VPS13A: variants seen among roughly 807,000 people sequenced by gnomAD.
VPS13A encodes the protein vacuolar protein sorting 13 homolog A, also known as intermembrane lipid transfer protein VPS13A.
Under a neutral mutation model 390.9 loss-of-function variants are expected in VPS13A, and 264 were observed. The ratio of observed to expected loss-of-function variants is 0.68; its 90% confidence interval spans 0.61 to 0.75. The LOEUF (loss-of-function observed/expected upper bound fraction) is 0.75, where lower values mean the gene tolerates loss of function less well. VPS13A is among the 30% of genes least tolerant of loss of function. The pLI is 0.00. For synonymous variants in VPS13A, 1,231 were observed against 1,227.1 expected (o/e 1.00, Z -0.07); for missense variants, 3,409 against 3,733.9 (o/e 0.91, Z 2.27).
chr9:77,411,034 G>A (rs1280872368), intron 71 of VPS13A, among the ~76,000 whole-genome samples: 1 of 152,116 alleles, frequency 6.6e-6, no homozygotes, highest in African/African-American at 2.4e-5. Context: ...CCACTTAGTT[G>A]GAAGTAAAGC....
At chr9:77,206,162 C>A in intron 5 of VPS13A, 83 bp downstream of exon 5, 1 of 969,054 alleles carries the variant, frequency 1.0e-6, no homozygotes, top group South Asian at 1.5e-5. Flanking sequence ...TTATTTTTCT[C>A]TGGAGATGCT....
At position 77,401,329 on chromosome 9, in the gene VPS13A, TTGTGTGTGTGTGTG is replaced by T. The variant is rs4012461; in HGVS notation, c.9190-1875_9190-1862del. 9.3e-4 allele frequency among the ~76,000 whole-genome samples: 130 copies of T among 140,520 alleles called. 2 individuals are homozygous for T. Among genetic ancestry groups the T allele is most frequent in the South Asian group, 2.2e-3 (9 of 4,074 alleles). 92.2% of individuals were successfully genotyped at this position (140,520 alleles called of 152,430 possible). On this transcript the variant is annotated intron_variant, in intron 68 of 71. Coordinates refer to ENST00000360280, the MANE Select transcript of VPS13A (RefSeq NM_033305.3). Reference sequence around the variant, plus strand: ...ACCACCATCTTGGGATCACATGAAGTTGTGTGTGTGTGTGTGTGTGTGTGTGTGTGTGTGTGTGT... The same window carrying T: ...ACCACCATCTTGGGATCACATGAAGTTGTGTGTGTGTGTGTGTGTGTGTGT...
At chr9:77,263,840 T>A (rs146333339) in intron 23 of VPS13A, among the ~76,000 whole-genome samples, 4 of 152,326 alleles carry the variant, frequency 2.6e-5, no homozygotes, top group Non-Finnish European at 5.9e-5. Flanking sequence ...TCCTGAATGG[T>A]ATTGCCTAGG....
chr9:77,340,127 A>C (rs1830734682), intron 48 of VPS13A, 51 bp from the exon 49 acceptor site: 1 of 1,544,774 alleles, frequency 6.5e-7, no homozygotes, highest in African/African-American at 1.4e-5. Context: ...TTTAAGCAGG[A>C]ATTTTTAAAG....
At chr9:77,388,680 C>T (rs1468092912) in intron 68 of VPS13A, among the ~76,000 whole-genome samples, 1 of 152,094 alleles carries the variant, frequency 6.6e-6, no homozygotes, top group Non-Finnish European at 1.5e-5. Context: ...AATACATGAG[C>T]ACTGAAAATA....
At chr9:77,321,845 TG>T in intron 44 of VPS13A, 99 bp downstream of exon 44, 1 of 1,362,942 alleles carries the variant, frequency 7.3e-7, no homozygotes, top group South Asian at 1.3e-5. Flanking sequence ...AGGTTTTTTT[TG>T]TTTTTGTTTT....
intron 31 of VPS13A, among the ~76,000 whole-genome samples, chr9:77,285,511 A>C (rs1023655551): frequency 6.6e-6 from 1 of 152,218 alleles, no homozygotes; most frequent in Non-Finnish European, 1.5e-5. Context: ...TTCATAAAAA[A>C]TATTTTGAAA....
chr9:77,340,918 C>A (rs539770177), intron 50 of VPS13A, among the ~76,000 whole-genome samples: 3 of 152,170 alleles, frequency 2.0e-5, no homozygotes, highest in African/African-American at 7.2e-5. Flanking sequence ...CCAGACTCTT[C>A]TTCAAGTTAT....
At chr9:77,270,350 T>A (rs1353375792) in intron 23 of VPS13A, among the ~76,000 whole-genome samples, 1 of 152,230 alleles carries the variant, frequency 6.6e-6, no homozygotes, top group Non-Finnish European at 1.5e-5. Context: ...GTCCTTGTTA[T>A]AAAGTGGCAA....
At chr9:77,248,291 C>T (rs558190531) in intron 20 of VPS13A, among the ~76,000 whole-genome samples, 49 of 151,740 alleles carry the variant, frequency 3.2e-4, no homozygotes, top group African/African-American at 1.2e-3. Context: ...TCTCGGCTCA[C>T]TGCAAGCTCC....
At position 77,358,692 on chromosome 9, in the gene VPS13A, A is replaced by G. The variant is rs144653233; in HGVS notation, c.8035+254A>G. 6.0e-3 allele frequency among the ~76,000 whole-genome samples: 919 copies of G among 152,356 alleles called. 8 individuals carry two copies. The highest frequency in any genetic ancestry group is 0.021 in the African/African-American group (866 of 41,588). On this transcript the variant is annotated intron_variant, in intron 57 of 71. Transcript: ENST00000360280. ...GAAATACTAATTTAAAAAGCAGATA[A>G]TCTGTAAACCTGCGATTTAAAAACC...
chr9:77,177,628 T>C lies in VPS13A; in HGVS notation c.-77T>C. ...CCCGGAGCCGGTGAACCGAATTACC[T>C]CGAGGGAGGGGCGTGGGGAAGGCGG... On this transcript the variant is annotated 5_prime_UTR_variant, in exon 1 of 72. Transcript: ENST00000360280. The C allele has an allele frequency of 7.2e-7, 1 of 1,388,362 alleles. No individual in the cohort carries two copies. Among genetic ancestry groups the C allele is most frequent in the Non-Finnish European group, 1.0e-6 (1 of 990,552 alleles). 86.0% of individuals were successfully genotyped at this position (1,388,362 alleles called of 1,614,324 possible).
At chr9:77,259,638 T>C (rs1490000748) in intron 22 of VPS13A, among the ~76,000 whole-genome samples, 1 of 152,234 alleles carries the variant, frequency 6.6e-6, no homozygotes, top group African/African-American at 2.4e-5. Flanking sequence ...TTTTGCTCAA[T>C]GATCTTTGAT....
intron 19 of VPS13A, among the ~76,000 whole-genome samples, chr9:77,242,666 T>C (rs987294202): frequency 1.3e-5 from 2 of 151,928 alleles, no homozygotes; most frequent in African/African-American, 2.4e-5. Context: ...TTTTTCTTGA[T>C]TGATAGAAAC....
intron 45 of VPS13A, among the ~76,000 whole-genome samples, chr9:77,329,804 C>A (rs926245159): frequency 2.6e-5 from 4 of 152,138 alleles, no homozygotes; most frequent in African/African-American, 4.8e-5. Context: ...GAATTTACTA[C>A]TTTTGATAGT....
intron 50 of VPS13A, among the ~76,000 whole-genome samples, chr9:77,341,455 T>C (rs1830803111): frequency 6.6e-6 from 1 of 152,218 alleles, no homozygotes; most frequent in African/African-American, 2.4e-5. Context: ...TTTACCCTTC[T>C]TGAGGTGCTT....
In VPS13A at chr9:77,416,015, A is replaced by G; in HGVS notation, c.*9A>G. The stretch of plus-strand genomic sequence containing the variant: ...CTTCTCCGAGCCTCTGACAGAGAAC[A>G]CTGCCTGAAGACACACAGCAATAAG... On this transcript the variant is annotated 3_prime_UTR_variant, in exon 72 of 72. Transcript: ENST00000360280. 2 of 1,613,370 alleles carry G rather than the reference A, an allele frequency of 1.2e-6. No homozygotes were observed. The highest frequency in any genetic ancestry group is 8.5e-7 in the Non-Finnish European group (1 of 1,179,396).
chr9:77,203,884 C>G (rs939574724), intron 3 of VPS13A, among the ~76,000 whole-genome samples: 2 of 152,038 alleles, frequency 1.3e-5, no homozygotes, highest in African/African-American at 4.8e-5. Context: ...AGTTATTCCT[C>G]TTTTAGAAAT....
At chr9:77,321,895 G>A in intron 44 of VPS13A, 149 bp downstream of exon 44, 1 of 936,060 alleles carries the variant, frequency 1.1e-6, no homozygotes. Flanking sequence ...GTCAAGAACT[G>A]TTTTTTGTCT....
Sources: gnomAD v4.1 joint callset for allele counts (sites outside exome capture counted in the v4.1 genomes callset) on GRCh38, gnomAD v4.1.1 for gene constraint, MANE v1.5 for transcripts, NCBI Gene and HGNC (gene_info 2026-07-23, HGNC 2026-07-21) for gene names.